Variants in ANKIB1 observed in about 807,000 individuals in gnomAD.
The protein encoded by ANKIB1 is ankyrin repeat and IBR domain containing 1.
Under a neutral mutation model 122.1 loss-of-function variants are expected in ANKIB1, and 43 were observed. That is an observed-to-expected ratio of 0.35 (90% CI 0.28 to 0.45). ANKIB1 has a LOEUF of 0.45. ANKIB1 is among the 20% of genes least tolerant of loss of function. ANKIB1 has a pLI of 1.00. For missense variants in ANKIB1, 992 were observed against 1,329.5 expected (o/e 0.75, Z 3.95); for synonymous variants, 390 against 442.0 (o/e 0.88, Z 1.48).
At chr7:92,360,659 A>G (rs1433764154) in intron 9 of ANKIB1, among the ~76,000 whole-genome samples, 2 of 152,128 alleles carry the variant, frequency 1.3e-5, no homozygotes, top group African/African-American at 4.8e-5. Flanking sequence ...TCACCAAACT[A>G]TTTTTCACAG....
intron 1 of ANKIB1, among the ~76,000 whole-genome samples, chr7:92,284,756 A>G (rs983831330): frequency 4.6e-5 from 7 of 152,128 alleles, no homozygotes; most frequent in East Asian, 1.9e-4. Context: ...TGATTTACTT[A>G]TGGCCCAGCT....
intron 9 of ANKIB1, among the ~76,000 whole-genome samples, chr7:92,361,596 C>T (rs1803945886): frequency 6.6e-6 from 1 of 151,946 alleles, no homozygotes; most frequent in South Asian, 2.1e-4. Context: ...TTTTAAAGCT[C>T]TGAAGGCTTG....
intron 4 of ANKIB1, among the ~76,000 whole-genome samples, chr7:92,322,441 T>A (rs1802932322): frequency 6.6e-6 from 1 of 152,114 alleles, no homozygotes; most frequent in South Asian, 2.1e-4. Flanking sequence ...TTATAGGTAA[T>A]CTCCTTTACA....
intron 5 of ANKIB1, among the ~76,000 whole-genome samples, chr7:92,339,572 T>G (rs1803390760): frequency 6.6e-6 from 1 of 152,204 alleles, no homozygotes; most frequent in Non-Finnish European, 1.5e-5. Context: ...TCAACAGATT[T>G]CTATTGAATA....
intron 3 of ANKIB1, among the ~76,000 whole-genome samples, chr7:92,317,394 G>C (rs1802816367): frequency 6.6e-6 from 1 of 152,162 alleles, no homozygotes; most frequent in Non-Finnish European, 1.5e-5. Context: ...GACCACACTT[G>C]CAGTAAAAAG....
At chr7:92,378,335 T>C (rs900481899) in intron 11 of ANKIB1, among the ~76,000 whole-genome samples, 2 of 152,246 alleles carry the variant, frequency 1.3e-5, no homozygotes, top group Admixed American at 6.5e-5. Context: ...TTGGAGTATT[T>C]AGGATTTCTG....
intron 1 of ANKIB1, among the ~76,000 whole-genome samples, chr7:92,266,370 A>T (rs1801671865): frequency 1.3e-5 from 2 of 152,126 alleles, no homozygotes; most frequent in African/African-American, 4.8e-5. Flanking sequence ...GGAAAAGGGA[A>T]CTCTGAAGAA....
At chr7:92,375,145 A>G (rs901030595) in intron 11 of ANKIB1, among the ~76,000 whole-genome samples, 2 of 152,226 alleles carry the variant, frequency 1.3e-5, no homozygotes, top group Non-Finnish European at 2.9e-5. Flanking sequence ...AATGCTAACT[A>G]TTATCTGAAC....
chr7:92,297,628 C>T (rs1282180904), intron 2 of ANKIB1, among the ~76,000 whole-genome samples: 1 of 152,028 alleles, frequency 6.6e-6, no homozygotes, highest in Non-Finnish European at 1.5e-5. Flanking sequence ...TTAATCATCC[C>T]CTGCTCCTAA....
rs1186482629 is a variant in ANKIB1 at position 92,398,552 on chromosome 7, C to T, written c.2873C>T (p.Ser958Leu). The T allele has an allele frequency of 6.2e-7, 1 of 1,613,980 alleles. No homozygotes were observed. The highest frequency in any genetic ancestry group is 8.5e-7 in the Non-Finnish European group (1 of 1,179,874). ...TGTCCCTCATCTAGTGATCCTGACT[C>T]AGCTGGCCAGGACCCCAACATCAAT... ...DFCPSSSDPDSAGQDPNINDN... is the reference protein window; with the variant it reads ...DFCPSSSDPDLAGQDPNINDN... The change falls in exon 20 of 20, where the codon TCA becomes TTA. Residue 958 changes from serine (S) to leucine (L), a missense_variant. By Grantham distance (145) the Ser-to-Leu change is moderately radical (BLOSUM62 -2). Around this residue, in one of 4 missense-constraint regions of ANKIB1, gnomAD observed 384 missense variants for 412.0 expected, o/e 0.93. Transcript: ENST00000265742.
intron 11 of ANKIB1, among the ~76,000 whole-genome samples, chr7:92,377,243 T>C (rs1351001251): frequency 1.3e-5 from 2 of 151,998 alleles, no homozygotes; most frequent in Non-Finnish European, 2.9e-5. Context: ...TGTTGTGTCT[T>C]AGGAAATAGG....
chr7:92,349,738 A>G (rs962823145), intron 7 of ANKIB1, among the ~76,000 whole-genome samples: 145 of 152,284 alleles, frequency 9.5e-4, no homozygotes, highest in Non-Finnish European at 8.8e-4. Context: ...TTTCACATAT[A>G]TAATCTGTTT....
chr7:92,274,810 T>A (rs1055313762), intron 1 of ANKIB1, among the ~76,000 whole-genome samples: 2 of 152,096 alleles, frequency 1.3e-5, no homozygotes, highest in African/African-American at 4.8e-5. Flanking sequence ...TTTTTTTTAA[T>A]TATCTACATG....
intron 3 of ANKIB1, among the ~76,000 whole-genome samples, chr7:92,308,964 A>G (rs773214779): frequency 5.3e-5 from 8 of 152,186 alleles, no homozygotes; most frequent in Non-Finnish European, 1.2e-4. Flanking sequence ...AATGTTGTTC[A>G]TGTATACTTT....
intron 11 of ANKIB1, among the ~76,000 whole-genome samples, chr7:92,382,196 A>C (rs1046379534): frequency 4.6e-5 from 7 of 152,224 alleles, no homozygotes; most frequent in African/African-American, 1.4e-4. Context: ...TAACTATCCT[A>C]AATATATATG....
chr7:92,321,659 A>C (rs941881033), intron 4 of ANKIB1, among the ~76,000 whole-genome samples: 1 of 152,188 alleles, frequency 6.6e-6, no homozygotes, highest in African/African-American at 2.4e-5. Flanking sequence ...AAAAGGTATT[A>C]TGTAACTACT....
At chr7:92,345,212 A>C in intron 7 of ANKIB1, 146 bp downstream of exon 7, 1 of 582,874 alleles carries the variant, frequency 1.7e-6, no homozygotes, top group Admixed American at 3.1e-5. Flanking sequence ...TTTACTAGTA[A>C]GGAAAAATAT....
chr7:92,397,991 C>T lies in ANKIB1; in HGVS notation c.2532+132C>T, dbSNP rs1354953164. 3.8e-6 allele frequency: 5 copies of T among 1,312,880 alleles called. No individual in the cohort carries two copies. The African/African-American group carries it at 7.7e-5, about 20-fold the overall frequency. The allele number at this position is 1,312,880 out of a possible 1,614,324, so 81.3% of individuals were successfully genotyped here. ...AAATCTTTGTTTTAAAGATGTGCTG[C>T]AGGAAAAGATATTCCTATATTTTAG... is the stretch of plus-strand genomic sequence containing the variant. On this transcript the variant is annotated intron_variant, in intron 19 of 19. Transcript: ENST00000265742.
In ANKIB1 at chr7:92,400,667, A is replaced by G. The variant is rs1335238544; in HGVS notation, c.*1718A>G. The stretch of plus-strand genomic sequence containing the variant: ...CTAAGACACTGTATTAGAATATTTA[A>G]TATTCCCCAGATCCTCTTAGGATAA... On this transcript the variant is annotated 3_prime_UTR_variant, in exon 20 of 20. Coordinates refer to ENST00000265742, the MANE Select transcript of ANKIB1 (RefSeq NM_019004.2). 1 of 152,140 alleles carries G rather than the reference A, an allele frequency of 6.6e-6. No individual in the cohort carries two copies. Among genetic ancestry groups the G allele is most frequent in the African/African-American group, 2.4e-5 (1 of 41,416 alleles). 9.4% of individuals were successfully genotyped at this position (152,140 alleles called of 1,614,324 possible).
Sources: gnomAD v4.1 joint callset for allele counts (sites outside exome capture counted in the v4.1 genomes callset) on GRCh38, gnomAD v4.1.1 for gene constraint, gnomAD v4.1.1 regional missense constraint, MANE v1.5 for transcripts, NCBI Gene and HGNC (gene_info 2026-07-23, HGNC 2026-07-21) for gene names.